STRA8: variants seen among roughly 807,000 people sequenced by gnomAD.
STRA8 encodes stimulated by retinoic acid 8, also known as stimulated by retinoic acid gene 8 protein homolog.
A neutral mutation model predicts 37.1 loss-of-function variants in STRA8; 18 were observed. That is an observed-to-expected ratio of 0.48 (90% CI 0.34 to 0.72). The LOEUF (loss-of-function observed/expected upper bound fraction) is 0.72. Ranked by LOEUF, STRA8 falls within the 30% of genes least tolerant of loss-of-function variation. The probability of loss-of-function intolerance (pLI) is 0.01; values close to 1 mark genes in which losing one functional copy is unlikely to be tolerated. For missense variants in STRA8, 357 were observed against 410.4 expected, an observed-to-expected ratio of 0.87 and a Z score of 1.13; for synonymous variants, 168 against 162.9, an observed-to-expected ratio of 1.03 and a Z score of -0.24.
intron 2 of STRA8, 61 bp downstream of exon 2, chr7:135,240,777 T>C (rs1365026283): frequency 1.3e-6 from 2 of 1,578,656 alleles, no homozygotes; most frequent in African/African-American, 1.4e-5. Flanking sequence ...TTTTCACAGG[T>C]GGAGGGACTG....
rs1832530761 is a variant in STRA8, at chr7:135,245,337, A to G, written c.403A>G (p.Thr135Ala). The change falls in exon 5 of 9, where the codon ACT becomes GCT. Residue 135 changes from threonine to alanine, a missense_variant. Coordinates refer to ENST00000662584, the MANE Select transcript of STRA8 (RefSeq NM_001394401.1). ...GAATGGTTCCTCCCCTTGGTGCCCA[A>G]CTGAGGCAGTCAGGAAGGATGCTGA... ...PQNGSSPWCP[T>A]EAVRKDAEEE... 2.6e-6 allele frequency: 2 copies of G among 780,838 alleles called. No individual in the cohort carries two copies. The highest frequency in any genetic ancestry group is 1.7e-5 in the African/African-American group (1 of 59,112). 48.4% of individuals were successfully genotyped at this position (780,838 alleles called of 1,614,324 possible). A position where few individuals can be genotyped will look rare whatever the true frequency, so the allele number is the denominator to read the frequency against.
intron 1 of STRA8, among the ~76,000 whole-genome samples, chr7:135,235,060 T>A (rs1832349806): frequency 6.6e-6 from 1 of 152,008 alleles, no homozygotes; most frequent in South Asian, 2.1e-4. Context: ...TTTGTAGAAA[T>A]GGGGTTTGGC....
Position 135,258,566 on chromosome 7 carries a change from GTTGCAC to G in STRA8, c.*75_*80del. The stretch of plus-strand genomic sequence containing the variant: ...CCAAGGTTGAATGCTGGCAGCTAAG[GTTGCAC>G]CTGCCTTGGCCTCCAGGACTCTTTG... On this transcript the variant is annotated 3_prime_UTR_variant, in exon 9 of 9. Coordinates refer to ENST00000662584, the MANE Select transcript of STRA8 (RefSeq NM_001394401.1). 3 of 1,326,956 alleles carry G rather than the reference GTTGCAC, an allele frequency of 2.3e-6. No individual in the cohort carries two copies. Among genetic ancestry groups the G allele is most frequent in the Non-Finnish European group, 3.2e-6 (3 of 948,436 alleles). The allele number at this position is 1,326,956 out of a possible 1,614,324, so 82.2% of individuals were successfully genotyped here. A position where few individuals can be genotyped will look rare whatever the true frequency, so the allele number is the denominator to read the frequency against.
intron 1 of STRA8, among the ~76,000 whole-genome samples, chr7:135,236,344 CA>C (rs1197045342): frequency 6.6e-6 from 1 of 151,964 alleles, no homozygotes; most frequent in African/African-American, 2.4e-5. Context: ...CACAAAGTCA[CA>C]AGGTTGGTTA....
At chr7:135,242,616 T>C (rs1832483547) in intron 2 of STRA8, among the ~76,000 whole-genome samples, 165 bp from the exon 3 acceptor site, 1 of 152,248 alleles carries the variant, frequency 6.6e-6, no homozygotes. Context: ...TCCTGCCTCC[T>C]GTGCATCAGA....
intron 6 of STRA8, among the ~76,000 whole-genome samples, chr7:135,248,647 G>A (rs1832598892): frequency 6.6e-6 from 1 of 152,176 alleles, no homozygotes; most frequent in African/African-American, 2.4e-5. Flanking sequence ...GGAGGTCAAG[G>A]CTGCAGTGAG....
rs1350929644 is a variant in STRA8, at chr7:135,246,706, A to T, written c.879+4A>T. On this transcript the variant is annotated splice_donor_region_variant and intron_variant, in intron 6 of 8. Coordinates refer to ENST00000662584, the MANE Select transcript of STRA8 (RefSeq NM_001394401.1). The surrounding 1 kb of genome is among the most constrained non-coding windows in gnomAD (Gnocchi z 5.4). ...GCTGGTCTCCACGCCCGAGGAGGTG[A>T]GCAGGCCCACCGGGGTGGCGTGGAT... 6.6e-7 allele frequency: 1 copy of T among 1,516,040 alleles called. No homozygotes were observed. Among genetic ancestry groups the T allele is most frequent in the Non-Finnish European group, 8.8e-7 (1 of 1,140,236 alleles). 93.9% of individuals were successfully genotyped at this position (1,516,040 alleles called of 1,614,324 possible).
rs1210162089 is a variant in STRA8 at position 135,246,972 on chromosome 7, A to G, written c.879+270A>G. ...TCATTCTCCTGCCTCAGCCTCCCGAATAGCTGGGACTACAGGCGCCCGCCA... is the reference window on the plus strand; with the variant it reads ...TCATTCTCCTGCCTCAGCCTCCCGAGTAGCTGGGACTACAGGCGCCCGCCA... On this transcript the variant is annotated intron_variant, in intron 6 of 8. Coordinates refer to ENST00000662584, the MANE Select transcript of STRA8 (RefSeq NM_001394401.1). This position sits in a 1 kb window ranked among gnomAD's most constrained non-coding sequence, Gnocchi z 5.4. Among the ~76,000 whole-genome samples, 3 of 151,586 alleles carry G rather than the reference A, an allele frequency of 2.0e-5. No individual in the cohort carries two copies. The highest frequency in any genetic ancestry group is 7.3e-5 in the African/African-American group (3 of 41,242).
intron 2 of STRA8, among the ~76,000 whole-genome samples, chr7:135,241,622 T>C (rs955813667): frequency 6.6e-6 from 1 of 152,236 alleles, no homozygotes; most frequent in Non-Finnish European, 1.5e-5. Flanking sequence ...CTCACTCTGC[T>C]CAGCTGCCCT....
chr7:135,240,929 G>A (rs2117793475), intron 2 of STRA8, among the ~76,000 whole-genome samples: 2 of 152,282 alleles, frequency 1.3e-5, no homozygotes, highest in African/African-American at 4.8e-5. Context: ...GGTGCCATCA[G>A]ATTGGGTGTC....
chr7:135,236,989 T>A (rs1370733468), intron 1 of STRA8, among the ~76,000 whole-genome samples: 1 of 152,208 alleles, frequency 6.6e-6, no homozygotes, highest in East Asian at 1.9e-4. Context: ...TTCTTAGTTG[T>A]TGCCAGAACA....
intron 1 of STRA8, among the ~76,000 whole-genome samples, chr7:135,237,684 G>A (rs1026667704): frequency 6.6e-6 from 1 of 152,162 alleles, no homozygotes; most frequent in Non-Finnish European, 1.5e-5. Context: ...AGGAGGTCAG[G>A]AGTTCGAGAC....
chr7:135,239,644 G>A (rs1265504818), intron 1 of STRA8, among the ~76,000 whole-genome samples: 4 of 152,156 alleles, frequency 2.6e-5, no homozygotes, highest in Admixed American at 6.5e-5. Context: ...TGATGGAAGG[G>A]TCTATGGCTC....
Position 135,255,342 on chromosome 7 carries a change from G to A in STRA8, c.1065+117G>A, listed in dbSNP as rs551525677. ...CAATCATACCATGAGGAGCCACTGG[G>A]CAGGGACACTCTCCATTCTCTCTGG... On this transcript the variant is annotated intron_variant, in intron 8 of 8. Transcript: ENST00000662584. 33 of 710,396 alleles carry A rather than the reference G, an allele frequency of 4.6e-5. 1 individual carries two copies. The East Asian group carries it at 8.5e-4, about 18-fold the overall frequency. 44.0% of individuals were successfully genotyped at this position (710,396 alleles called of 1,614,324 possible).
chr7:135,258,538 T>C lies in STRA8; in HGVS notation c.*46T>C. 1 of 1,519,704 alleles carries C rather than the reference T, an allele frequency of 6.6e-7. No homozygotes were observed. Among genetic ancestry groups the C allele is most frequent in the Non-Finnish European group, 8.9e-7 (1 of 1,117,518 alleles). 94.1% of individuals were successfully genotyped at this position (1,519,704 alleles called of 1,614,324 possible). On this transcript the variant is annotated 3_prime_UTR_variant, in exon 9 of 9. Transcript: ENST00000662584. ...GGGAGGGACTGAATGAGGTGGGCAG[T>C]TCCCAAGGTTGAATGCTGGCAGCTA...
chr7:135,234,959 C>T (rs1219395918), intron 1 of STRA8, among the ~76,000 whole-genome samples: 4 of 152,208 alleles, frequency 2.6e-5, no homozygotes, highest in African/African-American at 9.6e-5. Flanking sequence ...TCACTGCAAC[C>T]TCTGCTTCCT....
intron 2 of STRA8, among the ~76,000 whole-genome samples, chr7:135,242,144 A>AGGAAGGAG (rs1832475489): frequency 7.9e-6 from 1 of 126,902 alleles, no homozygotes; most frequent in Admixed American, 8.1e-5. Flanking sequence ...GAAGGGAGGA[A>AGGAAGGAG]GGAAGGAGGG....
chr7:135,245,443 AG>A lies in STRA8; in HGVS notation c.511del (p.Glu171LysfsTer11), dbSNP rs1832535527. ...GAGGAGGAGGAGGAAGAGGAGGAAG[AG>A]GAAGAGGAGGAGGAGGAAGAGGAGA... Reference protein sequence around the residue: ...EEEEEEEEEEEEEEEEEEEKK... With the variant: ...EEEEEEEEEEXEEEEEEEEKK... On this transcript the variant is annotated frameshift_variant, in exon 5 of 9. Transcript: ENST00000662584. LOFTEE classifies it high-confidence loss of function. The A allele has an allele frequency of 1.3e-6, 1 of 752,758 alleles. No individual in the cohort carries two copies. The highest frequency in any genetic ancestry group is 2.5e-6 in the Non-Finnish European group (1 of 406,888). The allele number at this position is 752,758 out of a possible 1,614,324, so 46.6% of individuals were successfully genotyped here.
At chr7:135,248,033 C>T (rs1832590021) in intron 6 of STRA8, among the ~76,000 whole-genome samples, 1 of 152,234 alleles carries the variant, frequency 6.6e-6, no homozygotes, top group Admixed American at 6.5e-5. Flanking sequence ...AAATGCTCCT[C>T]AGTCGGGGCG....
Sources: gnomAD v4.1 joint callset for allele counts (sites outside exome capture counted in the v4.1 genomes callset) on GRCh38, gnomAD v4.1.1 for gene constraint, Gnocchi (gnomAD v3.1) non-coding constraint, MANE v1.5 for transcripts, NCBI Gene and HGNC (gene_info 2026-07-23, HGNC 2026-07-21) for gene names.